BMERB1: variants seen among roughly 807,000 people sequenced by gnomAD.
BMERB1 encodes bMERB domain containing 1.
BMERB1 carries 12 observed loss-of-function variants against 23.6 expected under a neutral mutation model. The observed-to-expected ratio is 0.51, with a 90% CI of 0.33 to 0.82. The LOEUF is 0.82. Among genes scored for constraint, BMERB1 ranks in the 40% least tolerant of loss-of-function variants. BMERB1 has a pLI of 0.03. For synonymous variants in BMERB1, 122 were observed against 96.6 expected (o/e 1.26, Z -1.54); for missense variants, 247 against 255.4 (o/e 0.97, Z 0.22).
At chr16:15,576,270 A>T (rs2030856947) in intron 3 of BMERB1, among the ~76,000 whole-genome samples, 1 of 151,482 alleles carries the variant, frequency 6.6e-6, no homozygotes, top group Non-Finnish European at 1.5e-5. Context: ...GATGGTCTCA[A>T]CCTCCTGATC....
At chr16:15,512,052 CAGAG>C (rs1014111930) in intron 1 of BMERB1, among the ~76,000 whole-genome samples, 5 of 140,280 alleles carry the variant, frequency 3.6e-5, no homozygotes, top group African/African-American at 5.1e-5. Flanking sequence ...GGAATTGTCT[CAGAG>C]AGAATGAAGA....
chr16:15,493,266 C>T (rs1042933087), intron 1 of BMERB1, among the ~76,000 whole-genome samples: 3 of 151,950 alleles, frequency 2.0e-5, no homozygotes, highest in African/African-American at 7.3e-5. Context: ...GCAGGAGAAT[C>T]GCTTGAACCC....
chr16:15,531,679 A>G (rs1458083951), intron 2 of BMERB1, among the ~76,000 whole-genome samples: 1 of 152,160 alleles, frequency 6.6e-6, no homozygotes, highest in Non-Finnish European at 1.5e-5. Flanking sequence ...CTTCTTAGAA[A>G]GACAGGGCAA....
intron 1 of BMERB1, among the ~76,000 whole-genome samples, chr16:15,488,774 C>T (rs1241971374): frequency 2.7e-5 from 4 of 149,244 alleles, no homozygotes; most frequent in African/African-American, 4.9e-5. Flanking sequence ...ACCGAGATCG[C>T]GCCACTGCAC....
At chr16:15,453,230 A>G (rs1403325151) in intron 1 of BMERB1, among the ~76,000 whole-genome samples, 3 of 152,050 alleles carry the variant, frequency 2.0e-5, no homozygotes, top group African/African-American at 7.2e-5. Flanking sequence ...TGATAATAAA[A>G]CAGGGTTAAT....
chr16:15,564,106 G>A (rs574945843), intron 2 of BMERB1, among the ~76,000 whole-genome samples: 1 of 152,268 alleles, frequency 6.6e-6, no homozygotes, highest in African/African-American at 2.4e-5. Context: ...CCAGCCTGAG[G>A]CCCATGCCAA....
intron 1 of BMERB1, among the ~76,000 whole-genome samples, chr16:15,487,342 C>T (rs1482949238): frequency 1.3e-5 from 2 of 152,142 alleles, no homozygotes; most frequent in Non-Finnish European, 2.9e-5. Context: ...CCTTTAATAT[C>T]TTAGTTTATA....
At chr16:15,501,124 C>G (rs1269971110) in intron 1 of BMERB1, among the ~76,000 whole-genome samples, 2 of 152,036 alleles carry the variant, frequency 1.3e-5, no homozygotes, top group Admixed American at 6.6e-5. Flanking sequence ...TGAAATTAAT[C>G]TCGCCCATTT....
intron 1 of BMERB1, among the ~76,000 whole-genome samples, chr16:15,460,726 A>C (rs915628122): frequency 1.3e-5 from 2 of 152,184 alleles, no homozygotes; most frequent in African/African-American, 4.8e-5. Flanking sequence ...AGGGTTTCCA[A>C]AATGGATGAG....
chr16:15,551,291 T>C (rs969188177), intron 2 of BMERB1, among the ~76,000 whole-genome samples: 1 of 152,150 alleles, frequency 6.6e-6, no homozygotes, highest in Non-Finnish European at 1.5e-5. Context: ...CCTTCCTTCC[T>C]TCCTTGTGTA....
At chr16:15,542,986 G>T (rs180892549) in intron 2 of BMERB1, among the ~76,000 whole-genome samples, 139 of 152,238 alleles carry the variant, frequency 9.1e-4, no homozygotes, top group African/African-American at 3.3e-3. Flanking sequence ...GAGATTCAGG[G>T]TGATAGCCTT....
intron 2 of BMERB1, among the ~76,000 whole-genome samples, chr16:15,533,395 C>CTTT (rs11379898): frequency 1.4e-5 from 2 of 141,274 alleles, no homozygotes; most frequent in Non-Finnish European, 1.6e-5. Flanking sequence ...TCGTTTCTTT[C>CTTT]TTTTTTTTTT....
At chr16:15,439,406 C>G (rs756973430) in intron 1 of BMERB1, among the ~76,000 whole-genome samples, 2 of 152,150 alleles carry the variant, frequency 1.3e-5, no homozygotes, top group Admixed American at 1.3e-4. Context: ...ATGCTGAAAG[C>G]GCTCAATCAA....
intron 1 of BMERB1, among the ~76,000 whole-genome samples, chr16:15,498,921 A>G (rs1319127014): frequency 1.3e-5 from 2 of 152,260 alleles, no homozygotes; most frequent in Non-Finnish European, 2.9e-5. Context: ...GTCCAACTCC[A>G]AATGTCAAAG....
intron 1 of BMERB1, among the ~76,000 whole-genome samples, chr16:15,484,155 G>A (rs1451582572): frequency 6.6e-6 from 1 of 152,140 alleles, no homozygotes; most frequent in Non-Finnish European, 1.5e-5. Context: ...AGCCATTCAC[G>A]AGGGATCTGC....
chr16:15,584,288 G>C, intron 5 of BMERB1: 1 of 433,792 alleles, frequency 2.3e-6, no homozygotes, highest in South Asian at 2.9e-5. Context: ...GGCTGGGCGC[G>C]GTGGCTCACG....
intron 1 of BMERB1, among the ~76,000 whole-genome samples, chr16:15,471,216 A>G (rs181792919): frequency 2.6e-5 from 4 of 152,296 alleles, no homozygotes; most frequent in Non-Finnish European, 4.4e-5. Context: ...GAATTCTTCA[A>G]TGAAGAATTG....
At chr16:15,575,905 C>T (rs1416029323) in intron 3 of BMERB1, among the ~76,000 whole-genome samples, 2 of 152,146 alleles carry the variant, frequency 1.3e-5, no homozygotes, top group African/African-American at 4.8e-5. Context: ...AGGGAGTAGC[C>T]TCCAGTCCTT....
chr16:15,530,675 A>T (rs1321479392), intron 2 of BMERB1, among the ~76,000 whole-genome samples: 2 of 152,076 alleles, frequency 1.3e-5, no homozygotes, highest in Non-Finnish European at 2.9e-5. Context: ...CATGAGAGGG[A>T]CCCGGTGGAA....
Sources: allele counts gnomAD v4.1 joint callset (sites outside exome capture counted in the v4.1 genomes callset), GRCh38; gene constraint gnomAD v4.1.1; transcripts MANE v1.5; gene names NCBI Gene and HGNC (gene_info 2026-07-23, HGNC 2026-07-21).